The following RPS6KC1 variants were observed in gnomAD, a reference collection of about 807,000 sequenced individuals.
RPS6KC1 encodes the protein ribosomal protein S6 kinase C1.
In RPS6KC1, 54 loss-of-function variants were observed where a neutral mutation model predicts 103.8. The observed-to-expected ratio is 0.52, with a 90% confidence interval of 0.42 to 0.65. RPS6KC1 has a LOEUF of 0.65. Ranked by LOEUF, RPS6KC1 falls within the 30% of genes least tolerant of loss-of-function variation. The pLI, the probability that RPS6KC1 is intolerant of heterozygous loss-of-function variation, is 0.00. For synonymous variants in RPS6KC1, 439 were observed against 438.7 expected (o/e 1.00, Z -0.01); for missense variants, 1,151 against 1,253.8 (o/e 0.92, Z 1.24).
At chr1:213,705,193 C>A in the RPS6KC1 span, among the ~76,000 whole-genome samples, 1 of 152,234 alleles carries the variant, frequency 6.6e-6, no homozygotes, top group Non-Finnish European at 1.5e-5. Context: ...AGACCTGTGT[C>A]CTTTCCTTCA....
At chr1:213,420,245 G>T in the RPS6KC1 span, among the ~76,000 whole-genome samples, 1 of 152,186 alleles carries the variant, frequency 6.6e-6, no homozygotes, top group Non-Finnish European at 1.5e-5. Flanking sequence ...CCCATGTGCT[G>T]AAACTATAGC....
chr1:213,425,079 C>T, the RPS6KC1 span, among the ~76,000 whole-genome samples: 1 of 152,150 alleles, frequency 6.6e-6, no homozygotes, highest in Non-Finnish European at 1.5e-5. Flanking sequence ...CAAGACCCCT[C>T]ATCCACATTC....
chr1:213,629,694 T>C, the RPS6KC1 span, among the ~76,000 whole-genome samples: 1 of 152,210 alleles, frequency 6.6e-6, no homozygotes. Context: ...GTCTTTACAA[T>C]TTGGCATGTT....
At chr1:213,784,004 A>AG in the RPS6KC1 span, among the ~76,000 whole-genome samples, 2 of 152,112 alleles carry the variant, frequency 1.3e-5, no homozygotes, top group Admixed American at 1.3e-4. Flanking sequence ...AAAAACCTCA[A>AG]GCCACAACAA....
the RPS6KC1 span, among the ~76,000 whole-genome samples, chr1:213,809,341 C>T: frequency 6.6e-6 from 1 of 152,050 alleles, no homozygotes; most frequent in African/African-American, 2.4e-5. Flanking sequence ...ACTATAGTAA[C>T]ATCGAAGATC....
the RPS6KC1 span, among the ~76,000 whole-genome samples, chr1:213,662,076 A>T: frequency 6.6e-6 from 1 of 152,160 alleles, no homozygotes; most frequent in African/African-American, 2.4e-5. Context: ...GGAGAACCCA[A>T]TGTTTCTAGG....
chr1:213,131,677 C>T (rs959603992), intron 6 of RPS6KC1, among the ~76,000 whole-genome samples: 1 of 152,198 alleles, frequency 6.6e-6, no homozygotes, highest in Non-Finnish European at 1.5e-5. Context: ...CTACTGACCT[C>T]AGGTGATCTG....
intron 6 of RPS6KC1, among the ~76,000 whole-genome samples, chr1:213,150,489 C>T (rs1467003102): frequency 6.7e-6 from 1 of 149,676 alleles, no homozygotes; most frequent in Non-Finnish European, 1.5e-5. Flanking sequence ...TCCCTGGGTA[C>T]TTGAGATTAG....
the RPS6KC1 span, among the ~76,000 whole-genome samples, chr1:213,580,696 C>T: frequency 5.1e-4 from 78 of 152,118 alleles, 1 homozygote; most frequent in Admixed American, 7.8e-4. Context: ...CAGCCATCAA[C>T]ATAGAAGCAA....
chr1:213,285,344 C>G, the RPS6KC1 span, among the ~76,000 whole-genome samples: 2 of 8,016 alleles, frequency 2.5e-4, no homozygotes, highest in East Asian at 0.12. Flanking sequence ...TGCTGTCATA[C>G]TGGGGGGTAG....
chr1:213,464,895 A>G, the RPS6KC1 span, among the ~76,000 whole-genome samples: 1 of 152,042 alleles, frequency 6.6e-6, no homozygotes, highest in Non-Finnish European at 1.5e-5. Context: ...GGACCAAGAC[A>G]GTCATTCTCC....
At chr1:213,166,295 A>T (rs1440714213) in intron 6 of RPS6KC1, among the ~76,000 whole-genome samples, 2 of 152,230 alleles carry the variant, frequency 1.3e-5, no homozygotes, top group Non-Finnish European at 2.9e-5. Flanking sequence ...AAATGAGAAG[A>T]GCTAATGACA....
chr1:213,786,593 G>C, the RPS6KC1 span, among the ~76,000 whole-genome samples: 2 of 152,168 alleles, frequency 1.3e-5, no homozygotes, highest in African/African-American at 4.8e-5. Context: ...AATCTCATCT[G>C]CTAACCTTAA....
rs1472395002 is a variant in RPS6KC1 at position 213,129,663 on chromosome 1, A to G, written c.609A>G (p.Ala203=). ...TCAATCTTTCTTCGGATTCTTCAGC[A>G]CTAGGGGCTGTTGCTTCTGACAGTG... is the stretch of plus-strand genomic sequence containing the variant. The part of the protein sequence containing the change: ...FGLNLSSDSS[A]LGAVASDSEQ... Residue 203 remains alanine, a synonymous_variant, in exon 6 of 15, where the codon GCA becomes GCG. Coordinates refer to ENST00000366960, the MANE Select transcript of RPS6KC1 (RefSeq NM_012424.6). The G allele has an allele frequency of 1.2e-6, 2 of 1,614,092 alleles. No homozygotes were observed. Among genetic ancestry groups the G allele is most frequent in the African/African-American group, 1.3e-5 (1 of 75,062 alleles).
At chr1:213,785,161 A>G in the RPS6KC1 span, among the ~76,000 whole-genome samples, 1 of 152,292 alleles carries the variant, frequency 6.6e-6, no homozygotes, top group Non-Finnish European at 1.5e-5. Flanking sequence ...TGTTGGGTGT[A>G]GCATCAAAAA....
chr1:213,841,696 T>C, the RPS6KC1 span, among the ~76,000 whole-genome samples: 2 of 152,184 alleles, frequency 1.3e-5, no homozygotes, highest in African/African-American at 2.4e-5. Flanking sequence ...GGGGGAATTG[T>C]CCAATTTTTA....
At chr1:213,489,964 G>C in the RPS6KC1 span, among the ~76,000 whole-genome samples, 1 of 152,130 alleles carries the variant, frequency 6.6e-6, no homozygotes, top group Non-Finnish European at 1.5e-5. Flanking sequence ...ATCTCAACAA[G>C]GAAGCAACAT....
At chr1:213,288,694 C>T in the RPS6KC1 span, among the ~76,000 whole-genome samples, 3 of 152,026 alleles carry the variant, frequency 2.0e-5, no homozygotes, top group Non-Finnish European at 4.4e-5. Context: ...AGTTTCTTTC[C>T]TTGGGTGGTT....
intron 4 of RPS6KC1, among the ~76,000 whole-genome samples, chr1:213,106,319 A>C (rs1179819129): frequency 3.9e-5 from 6 of 152,220 alleles, no homozygotes. Context: ...AAGAAGTATG[A>C]ATGAGGAAGG....
Sources: allele counts gnomAD v4.1 joint callset (sites outside exome capture counted in the v4.1 genomes callset), GRCh38; gene constraint gnomAD v4.1.1; transcripts MANE v1.5; gene names NCBI Gene and HGNC (gene_info 2026-07-23, HGNC 2026-07-21).